The following TOP6BL variants were observed in gnomAD, a reference collection of about 807,000 sequenced individuals.
TOP6BL encodes type 2 DNA topoisomerase 6 subunit B-like.
At chr11:66,745,627 C>G in the TOP6BL span, among the ~76,000 whole-genome samples, 2 of 152,168 alleles carry the variant, frequency 1.3e-5, no homozygotes, top group African/African-American at 4.8e-5. Context: ...TCTGAGGGCA[C>G]CTGAGAGAGT....
the TOP6BL span, chr11:66,744,967 G>T: frequency 4.8e-6 from 6 of 1,242,308 alleles, no homozygotes; most frequent in South Asian, 8.1e-5. Flanking sequence ...CTGAGGAGAC[G>T]GGCTTTGTGA....
the TOP6BL span, chr11:66,804,247 C>T: frequency 7.3e-7 from 1 of 1,378,362 alleles, no homozygotes; most frequent in Non-Finnish European, 9.8e-7. Context: ...TTTTATATCC[C>T]AGTTTTAGGA....
the TOP6BL span, among the ~76,000 whole-genome samples, chr11:66,805,413 ATGT>A: frequency 6.6e-6 from 1 of 151,914 alleles, no homozygotes; most frequent in African/African-American, 2.4e-5. Context: ...TTTCTATTCT[ATGT>A]CTGTCTAGAA....
chr11:66,784,961 T>TC, the TOP6BL span, among the ~76,000 whole-genome samples: 1 of 141,688 alleles, frequency 7.1e-6, no homozygotes, highest in East Asian at 2.0e-4. Flanking sequence ...GATTTCTTTT[T>TC]TTTTTTTTTT....
chr11:66,843,357 CG>C, the TOP6BL span: 1 of 1,455,368 alleles, frequency 6.9e-7, no homozygotes, highest in South Asian at 1.4e-5. Context: ...GCGTCGGGCC[CG>C]GGCGGGGCGG....
chr11:66,826,661 A>G, the TOP6BL span, among the ~76,000 whole-genome samples: 1 of 150,706 alleles, frequency 6.6e-6, no homozygotes, highest in Non-Finnish European at 1.5e-5. Flanking sequence ...TGGGTGGGTC[A>G]CTTCTTTTTT....
the TOP6BL span, among the ~76,000 whole-genome samples, chr11:66,792,384 T>G: frequency 6.6e-6 from 1 of 152,226 alleles, no homozygotes; most frequent in Admixed American, 6.5e-5. Context: ...AGGTACATAA[T>G]AAGCCACATT....
the TOP6BL span, among the ~76,000 whole-genome samples, chr11:66,827,830 T>TG: frequency 6.6e-6 from 1 of 151,638 alleles, no homozygotes; most frequent in Non-Finnish European, 1.5e-5. Flanking sequence ...CCGGGTGTGG[T>TG]GGTGCATGCC....
chr11:66,798,972 C>T, the TOP6BL span, among the ~76,000 whole-genome samples: 1 of 151,888 alleles, frequency 6.6e-6, no homozygotes, highest in East Asian at 1.9e-4. Flanking sequence ...TTTGGGAGGC[C>T]GAGGTGGGCA....
At chr11:66,758,415 C>T in the TOP6BL span, 1 of 148,622 alleles carries the variant, frequency 6.7e-6, no homozygotes, top group Non-Finnish European at 1.5e-5. Context: ...GGGTTCACGC[C>T]ATTCCCCTGC....
At chr11:66,807,955 T>C in the TOP6BL span, among the ~76,000 whole-genome samples, 1 of 152,240 alleles carries the variant, frequency 6.6e-6, no homozygotes, top group South Asian at 2.1e-4. Flanking sequence ...CCAGAAAATC[T>C]TGAACTTTGA....
At chr11:66,831,996 C>CAA in the TOP6BL span, among the ~76,000 whole-genome samples, 496 of 46,448 alleles carry the variant, frequency 0.011, 17 homozygotes, top group Non-Finnish European at 0.013. Context: ...GACTCTGTCT[C>CAA]AAAAAAAAAA....
the TOP6BL span, among the ~76,000 whole-genome samples, chr11:66,811,339 C>T: frequency 6.6e-6 from 1 of 152,062 alleles, no homozygotes; most frequent in Non-Finnish European, 1.5e-5. Context: ...CTACATGTGC[C>T]CACCACCATG....
At chr11:66,796,346 C>T in the TOP6BL span, 23 of 1,609,004 alleles carry the variant, frequency 1.4e-5, no homozygotes, top group African/African-American at 5.3e-5. Context: ...TACGTAAAAT[C>T]ATCATGGTGC....
At chr11:66,836,577 G>A in the TOP6BL span, among the ~76,000 whole-genome samples, 1 of 150,250 alleles carries the variant, frequency 6.7e-6, no homozygotes, top group Non-Finnish European at 1.5e-5. Flanking sequence ...CTTGGGCCAG[G>A]CAAGGTGGCT....
the TOP6BL span, among the ~76,000 whole-genome samples, chr11:66,793,102 T>C: frequency 1.3e-5 from 2 of 152,090 alleles, no homozygotes; most frequent in Non-Finnish European, 2.9e-5. Flanking sequence ...GTTTTTTTTT[T>C]TTTGAGATGG....
the TOP6BL span, among the ~76,000 whole-genome samples, chr11:66,807,334 G>T: frequency 6.6e-6 from 1 of 152,192 alleles, no homozygotes; most frequent in African/African-American, 2.4e-5. Context: ...CACTTTGGGA[G>T]GCCAAGGTGG....
the TOP6BL span, among the ~76,000 whole-genome samples, chr11:66,791,481 G>T: frequency 1.3e-5 from 2 of 152,018 alleles, no homozygotes; most frequent in Non-Finnish European, 2.9e-5. Context: ...TTATACATCT[G>T]TACTTCTGTG....
At chr11:66,816,954 G>A in the TOP6BL span, among the ~76,000 whole-genome samples, 1 of 151,938 alleles carries the variant, frequency 6.6e-6, no homozygotes, top group Non-Finnish European at 1.5e-5. Context: ...AGGAGTTCAA[G>A]GCCAGCCTAG....
Sources: allele counts gnomAD v4.1 joint callset (sites outside exome capture counted in the v4.1 genomes callset), GRCh38; gene constraint gnomAD v4.1.1; transcripts MANE v1.5; gene names NCBI Gene and HGNC (gene_info 2026-07-23, HGNC 2026-07-21).